DNAH17: variants seen among roughly 807,000 people sequenced by gnomAD.
DNAH17 encodes dynein axonemal heavy chain 17.
In DNAH17, 376 loss-of-function variants were observed where a neutral mutation model predicts 485.6. The observed-to-expected ratio is 0.77, with a 90% confidence interval of 0.71 to 0.84. DNAH17 has a LOEUF of 0.84. Ranked by LOEUF, DNAH17 falls within the 40% of genes least tolerant of loss-of-function variation. DNAH17 has a pLI of 0.00. For missense variants in DNAH17, 6,370 were observed against 5,839.3 expected, an observed-to-expected ratio of 1.09 and a Z score of -2.96; for synonymous variants, 3,031 against 2,405.9, an observed-to-expected ratio of 1.26 and a Z score of -7.60.
intron 62 of DNAH17, among the ~76,000 whole-genome samples, chr17:78,456,998 T>G (rs1302609912): frequency 6.6e-6 from 1 of 152,210 alleles, no homozygotes; most frequent in African/African-American, 2.4e-5. Context: ...CCCCTGTTGT[T>G]CAGCAGGCAG....
chr17:78,495,378 C>T (rs534041260), intron 38 of DNAH17, among the ~76,000 whole-genome samples: 37 of 152,298 alleles, frequency 2.4e-4, no homozygotes, highest in African/African-American at 8.7e-4. Flanking sequence ...GCGGTCCTCC[C>T]ACCCAGGGGA....
intron 54 of DNAH17, among the ~76,000 whole-genome samples, chr17:78,471,978 T>C (rs1349142821): frequency 6.6e-6 from 1 of 151,958 alleles, no homozygotes; most frequent in African/African-American, 2.4e-5. Context: ...CTCCCTCCTA[T>C]CTTGGTTGAG....
chr17:78,479,686 G>C, intron 49 of DNAH17, 54 bp from the exon 50 acceptor site: 1 of 1,601,662 alleles, frequency 6.2e-7, no homozygotes, highest in Non-Finnish European at 8.5e-7. Flanking sequence ...GACCTGCCTG[G>C]GGCCAGGGCC....
chr17:78,458,353 C>G (rs553964138), intron 62 of DNAH17: 9 of 578,624 alleles, frequency 1.6e-5, no homozygotes, highest in African/African-American at 1.5e-4. Flanking sequence ...GTGTGGGTTA[C>G]TTGGAACCAC....
At position 78,502,681 on chromosome 17, in the gene DNAH17, G is replaced by T. The variant is rs758380295; in HGVS notation, c.5100C>A (p.Thr1700=). The change falls in exon 33 of 81, where the codon ACC becomes ACA. Residue 1700 remains threonine (T), a synonymous_variant. Transcript: ENST00000389840. ...DYPAQVALTC[T]QIWWTTEVGL... is the part of the protein sequence containing the mutation. ...CCACCTCGGTCGTCCACCAGATCTG[G>T]GTGCAAGTCAGGGCCACCTGAAAGT... 1.2e-6 allele frequency: 2 copies of T among 1,612,260 alleles called. No homozygotes were observed. The highest frequency in any genetic ancestry group is 1.7e-6 in the Non-Finnish European group (2 of 1,179,916).
At position 78,425,494 on chromosome 17, in the gene DNAH17, G is replaced by A. The variant is rs1031182896; in HGVS notation, c.12993C>T (p.Phe4331=). 3.7e-6 allele frequency: 6 copies of A among 1,613,864 alleles called. No individual in the cohort carries two copies. The highest frequency in any genetic ancestry group is 2.7e-5 in the African/African-American group (2 of 75,050). ...CCATGGACTGCATGATGGCCGTGAG[G>A]AACGACTGGGGGTTGAAGAAGCCGG... ...WLAGFFNPQS[F]LTAIMQSMAR... Residue 4331 remains phenylalanine, a synonymous_variant, in exon 80 of 81, where the codon TTC becomes TTT. Coordinates refer to ENST00000389840, the MANE Select transcript of DNAH17 (RefSeq NM_173628.4).
At chr17:78,503,994 A>T (rs543327275) in intron 31 of DNAH17, among the ~76,000 whole-genome samples, 1 of 93,760 alleles carries the variant, frequency 1.1e-5, no homozygotes, top group Admixed American at 1.1e-4. Flanking sequence ...CAAAAAACAA[A>T]TGAACAAAAA....
At position 78,437,810 on chromosome 17, in the gene DNAH17, C is replaced by T. The variant is rs1379062975; in HGVS notation, c.11864G>A (p.Ser3955Asn). ...GTLDKKLEHY[S>N]TGSHEDYRVF... ...CCGGTAGTCCTCATGGCTGCCCGTG[C>T]TGTAGTGCTCCAGCTTCTTGTCCAG... The change falls in exon 74 of 81, where the codon AGC becomes AAC. Residue 3955 changes from serine to asparagine, a missense_variant. By Grantham distance (46) the Ser-to-Asn change is conservative. Transcript: ENST00000389840. 1 of 1,612,354 alleles carries T rather than the reference C, an allele frequency of 6.2e-7. No homozygotes were observed.
chr17:78,487,126 C>T (rs922129808), intron 44 of DNAH17, among the ~76,000 whole-genome samples: 2 of 152,026 alleles, frequency 1.3e-5, no homozygotes, highest in Admixed American at 1.3e-4. Flanking sequence ...CTGGGTGGCT[C>T]GTGTGGAGGT....
At chr17:78,501,155 CAT>C in intron 35 of DNAH17, 27 bp downstream of exon 35, 1 of 1,555,606 alleles carries the variant, frequency 6.4e-7, no homozygotes, top group Non-Finnish European at 8.8e-7. Context: ...ACCAAGAGCA[CAT>C]GTGAGTTACT....
At chr17:78,507,223 G>C (rs558210197) in intron 29 of DNAH17, 55 bp downstream of exon 29, 1 of 1,595,150 alleles carries the variant, frequency 6.3e-7, no homozygotes, top group African/African-American at 1.3e-5. Flanking sequence ...TCAGACTTAA[G>C]ACTTAGGGAA....
chr17:78,472,901 C>A (rs2088830794), intron 54 of DNAH17: 2 of 323,260 alleles, frequency 6.2e-6, no homozygotes, highest in African/African-American at 2.2e-5. Flanking sequence ...ACTACCACAT[C>A]CTGCCCGCTC....
chr17:78,575,049 C>G lies in DNAH17; in HGVS notation c.9G>C (p.Met3Ile). MT[M>I]APDVRLEYLE... is the part of the protein sequence containing the mutation. The stretch of plus-strand genomic sequence containing the variant: ...GATACTCTAGTCTGACGTCCGGGGC[C>G]ATTGTCATCTTGGCCTTTCCTTACA... The change falls in exon 2 of 81, where the codon ATG (methionine) becomes ATC (isoleucine). Residue 3 changes from methionine to isoleucine, a missense_variant. Transcript: ENST00000389840. 1.2e-6 allele frequency: 2 copies of G among 1,612,238 alleles called. No homozygotes were observed. The highest frequency in any genetic ancestry group is 1.7e-6 in the Non-Finnish European group (2 of 1,178,970).
intron 48 of DNAH17, among the ~76,000 whole-genome samples, chr17:78,484,407 C>T (rs1232274547): frequency 6.6e-6 from 1 of 152,128 alleles, no homozygotes; most frequent in African/African-American, 2.4e-5. Context: ...CTGCCAGCTT[C>T]CAGCTGTGCA....
chr17:78,492,364 C>T (rs1489066175), intron 42 of DNAH17, among the ~76,000 whole-genome samples: 3 of 152,186 alleles, frequency 2.0e-5, no homozygotes. Flanking sequence ...CCTTGCTCTG[C>T]CCTCTCCCCT....
chr17:78,494,779 C>T lies in DNAH17; in HGVS notation c.6084G>A (p.Leu2028=). The T allele has an allele frequency of 1.2e-6, 2 of 1,613,214 alleles. No homozygotes were observed. Among genetic ancestry groups the T allele is most frequent in the Non-Finnish European group, 1.7e-6 (2 of 1,179,616 alleles). ...DWGLRAIKSV[L]VVAGSLKRGD... is the part of the protein sequence containing the mutation. The stretch of plus-strand genomic sequence containing the variant: ...CCCTCTTCAGGGAGCCGGCCACCAC[C>T]AGCACAGACTTGATGGCTCTCAGGC... Residue 2028 remains leucine, a synonymous_variant, in exon 40 of 81, where the codon CTG becomes CTA. Transcript: ENST00000389840.
At chr17:78,522,743 A>G in intron 25 of DNAH17, 1 of 214,778 alleles carries the variant, frequency 4.7e-6, no homozygotes, top group Non-Finnish European at 1.0e-5. Flanking sequence ...AGGACCAGGC[A>G]AAAACAATAA....
intron 5 of DNAH17, 32 bp downstream of exon 5, chr17:78,571,247 G>C (rs143003998): frequency 1.3e-6 from 2 of 1,581,196 alleles, no homozygotes; most frequent in East Asian, 2.3e-5. Flanking sequence ...AAACAGCTTC[G>C]TGCAGAACTC....
intron 3 of DNAH17, among the ~76,000 whole-genome samples, chr17:78,572,228 G>C (rs1383223019): frequency 6.7e-6 from 1 of 148,482 alleles, no homozygotes; most frequent in Non-Finnish European, 1.5e-5. Context: ...AGGCAGGTGC[G>C]AGGGGACACC....
Sources: gnomAD v4.1 joint callset for allele counts (sites outside exome capture counted in the v4.1 genomes callset) on GRCh38, gnomAD v4.1.1 for gene constraint, MANE v1.5 for transcripts, NCBI Gene and HGNC (gene_info 2026-07-23, HGNC 2026-07-21) for gene names.